The following ITPRID1 variants were observed in gnomAD, a reference collection of about 807,000 sequenced individuals.
ITPRID1 encodes ITPR interacting domain containing 1, also known as protein ITPRID1.
ITPRID1 carries 96 observed loss-of-function variants against 95.4 expected under a neutral mutation model. The observed-to-expected ratio is 1.01, with a 90% CI of 0.85 to 1.19. The LOEUF is 1.19. Ranked by LOEUF, ITPRID1 falls within the 50% of genes most tolerant of loss-of-function variation. The pLI is 0.00. For synonymous variants in ITPRID1, 510 were observed against 453.6 expected (o/e 1.12, Z -1.58); for missense variants, 1,339 against 1,252.9 (o/e 1.07, Z -1.04).
At chr7:31,629,300 C>A (rs1456340219) in intron 10 of ITPRID1, among the ~76,000 whole-genome samples, 1 of 151,956 alleles carries the variant, frequency 6.6e-6, no homozygotes, top group African/African-American at 2.4e-5. Context: ...TATATAGATT[C>A]ATATAAATGT....
intron 12 of ITPRID1, among the ~76,000 whole-genome samples, chr7:31,650,797 A>G (rs776695143): frequency 1.3e-5 from 2 of 152,132 alleles, no homozygotes; most frequent in Non-Finnish European, 2.9e-5. Flanking sequence ...AACAGACTCA[A>G]TTTCTCACAA....
At chr7:31,618,996 C>A (rs1450846607) in intron 10 of ITPRID1, among the ~76,000 whole-genome samples, 3 of 152,188 alleles carry the variant, frequency 2.0e-5, no homozygotes, top group Non-Finnish European at 2.9e-5. Context: ...GATTCTTCAT[C>A]CCCTTACATT....
At chr7:31,613,292 C>T (rs38334) in intron 10 of ITPRID1, among the ~76,000 whole-genome samples, 143,065 of 152,182 alleles carry the variant, frequency 0.94, 67,499 homozygotes, top group East Asian at 0.99. Flanking sequence ...CTTTTTTTCT[C>T]GTATAAATGC....
In ITPRID1 at chr7:31,643,716, C is replaced by T. The variant is rs529502816; in HGVS notation, c.2346C>T (p.Ser782=). 1.7e-4 allele frequency: 268 copies of T among 1,614,042 alleles called. 1 individual carries two copies. The highest frequency in any genetic ancestry group is 7.7e-4 in the Admixed American group (46 of 60,028). ...ATGGGCCCCAGCCCCTCACCAAATCCGTCTCTCTAGACTCAGGCTTCTCTA... is the reference window on the plus strand; with the variant it reads ...ATGGGCCCCAGCCCCTCACCAAATCTGTCTCTCTAGACTCAGGCTTCTCTA... ...LTHGPQPLTK[S]VSLDSGFSSI... is the part of the protein sequence containing the mutation. Residue 782 remains serine, a synonymous_variant, in exon 12 of 15, where the codon TCC becomes TCT. Transcript: ENST00000615280.
chr7:31,539,398 T>C (rs1339643054), intron 1 of ITPRID1, among the ~76,000 whole-genome samples: 1 of 152,174 alleles, frequency 6.6e-6, no homozygotes, highest in Non-Finnish European at 1.5e-5. Flanking sequence ...TTGCCCATGC[T>C]TGTCTTGAAC....
At chr7:31,656,857 A>T (rs1791328780), downstream of ITPRID1, among the ~76,000 whole-genome samples, 1 of 148,672 alleles carries the variant, frequency 6.7e-6, no homozygotes, top group African/African-American at 2.5e-5. Context: ...AAAAAAGAGC[A>T]TAGAAGGGAA....
intron 1 of ITPRID1, among the ~76,000 whole-genome samples, chr7:31,547,911 C>A (rs970283177): frequency 6.6e-6 from 1 of 152,000 alleles, no homozygotes; most frequent in East Asian, 1.9e-4. Flanking sequence ...CAGGCTGGAC[C>A]AGATTTGGAA....
chr7:31,610,165 T>C (rs1464751223), intron 10 of ITPRID1, among the ~76,000 whole-genome samples: 1 of 151,642 alleles, frequency 6.6e-6, no homozygotes, highest in Non-Finnish European at 1.5e-5. Flanking sequence ...TCTTTAAAAT[T>C]ATTGAGGCTT....
Position 31,554,795 on chromosome 7 carries a change from A to G in ITPRID1, c.213-63A>G, listed in dbSNP as rs560277245. The G allele has an allele frequency of 1.1e-3, 1,507 of 1,359,872 alleles. 3 individuals carry two copies. Among genetic ancestry groups the G allele is most frequent in the Non-Finnish European group, 1.4e-3 (1,339 of 976,604 alleles). The allele number at this position is 1,359,872 out of a possible 1,614,324, so 84.2% of individuals were successfully genotyped here. Reference sequence around the variant, plus strand: ...TTTGCTCTCACCTGTTTAATTAAAAAGTAATTTAGTATAATTTATTTACAC... The same window carrying G: ...TTTGCTCTCACCTGTTTAATTAAAAGGTAATTTAGTATAATTTATTTACAC... On this transcript the variant is annotated intron_variant, in intron 4 of 14. Transcript: ENST00000615280.
At chr7:31,625,218 T>C (rs1170349930) in intron 10 of ITPRID1, among the ~76,000 whole-genome samples, 5 of 152,126 alleles carry the variant, frequency 3.3e-5, no homozygotes, top group Non-Finnish European at 5.9e-5. Context: ...AGTGTGGCGA[T>C]TCCTCAGGGA....
At chr7:31,579,125 C>T (rs993406901) in intron 9 of ITPRID1, among the ~76,000 whole-genome samples, 1 of 152,152 alleles carries the variant, frequency 6.6e-6, no homozygotes, top group Admixed American at 6.5e-5. Flanking sequence ...CATTCATTTA[C>T]ACTAGTTTTT....
intron 5 of ITPRID1, among the ~76,000 whole-genome samples, chr7:31,565,721 G>A (rs1397670661): frequency 7.4e-6 from 1 of 136,016 alleles, no homozygotes; most frequent in Non-Finnish European, 1.6e-5. Context: ...CTGGGTGACA[G>A]AGCAAGACTC....
At chr7:31,583,473 A>G (rs1481757881) in intron 10 of ITPRID1, among the ~76,000 whole-genome samples, 2 of 152,042 alleles carry the variant, frequency 1.3e-5, no homozygotes, top group Non-Finnish European at 2.9e-5. Context: ...TAAAAATACA[A>G]AAAAAATTAG....
Position 31,553,083 on chromosome 7 carries a change from A to G in ITPRID1, c.59A>G (p.Lys20Arg). The G allele has an allele frequency of 8.1e-6, 13 of 1,608,010 alleles. No individual in the cohort carries two copies. The highest frequency in any genetic ancestry group is 1.1e-5 in the Non-Finnish European group (13 of 1,177,044). The change falls in exon 3 of 15, where the codon AAG (lysine) becomes AGG (arginine). Residue 20 changes from lysine to arginine, a missense_variant. Lys to Arg is a conservative substitution (Grantham distance 26). Transcript: ENST00000615280. ...CTTCAGGAAGGCCAGGAAAAGAGCA[A>G]GAGAGAGATCCTGAAGTGCACCAAA... is the stretch of plus-strand genomic sequence containing the variant. ...DNLQEGQEKSKREILKCTKSA... is the reference protein window; with the variant it reads ...DNLQEGQEKSRREILKCTKSA...
intron 10 of ITPRID1, among the ~76,000 whole-genome samples, chr7:31,612,576 CA>C (rs1554292286): frequency 6.6e-6 from 1 of 152,132 alleles, no homozygotes; most frequent in Non-Finnish European, 1.5e-5. Flanking sequence ...TTGTCAAGTA[CA>C]ACACTGAAGT....
chr7:31,651,282 G>A lies in ITPRID1; in HGVS notation c.2711+13G>A, dbSNP rs1273340649. 6.2e-7 allele frequency: 1 copy of A among 1,611,364 alleles called. No individual in the cohort carries two copies. Among genetic ancestry groups the A allele is most frequent in the Non-Finnish European group, 8.5e-7 (1 of 1,178,578 alleles). On this transcript the variant is annotated intron_variant, in intron 13 of 14. Transcript: ENST00000615280. The stretch of plus-strand genomic sequence containing the variant: ...CAGAGGAGGAAAGGTAATTACCTAA[G>A]GGAGCCATAAAAGTAAGTACCAGCC...
rs1334808056 is a variant in ITPRID1, at chr7:31,654,801, C to T, written c.*1972C>T. On this transcript the variant is annotated 3_prime_UTR_variant, in exon 15 of 15. Transcript: ENST00000615280. Reference sequence around the variant, plus strand: ...ATGAAAAGATGGTCAAAGGAGAGGTCACTTCTTAGCAAGTAACCTCAGAAA... The same window carrying T: ...ATGAAAAGATGGTCAAAGGAGAGGTTACTTCTTAGCAAGTAACCTCAGAAA... 6.6e-6 allele frequency among the ~76,000 whole-genome samples: 1 copy of T among 152,146 alleles called. No homozygotes were observed. Among genetic ancestry groups the T allele is most frequent in the Non-Finnish European group, 1.5e-5 (1 of 68,006 alleles).
intron 1 of ITPRID1, among the ~76,000 whole-genome samples, chr7:31,521,971 T>C (rs1251156358): frequency 6.6e-6 from 1 of 151,104 alleles, no homozygotes; most frequent in Non-Finnish European, 1.5e-5. Context: ...ATTTTTCTTT[T>C]TATAAGGATA....
intron 10 of ITPRID1, among the ~76,000 whole-genome samples, chr7:31,599,122 A>T (rs1786233314): frequency 6.6e-6 from 1 of 152,238 alleles, no homozygotes; most frequent in Non-Finnish European, 1.5e-5. Flanking sequence ...AATCATTTTG[A>T]AACACTGAAA....
Sources: gnomAD v4.1 joint callset for allele counts (sites outside exome capture counted in the v4.1 genomes callset) on GRCh38, gnomAD v4.1.1 for gene constraint, MANE v1.5 for transcripts, NCBI Gene and HGNC (gene_info 2026-07-23, HGNC 2026-07-21) for gene names.